The following NALF1 variants were observed in gnomAD, a reference collection of about 807,000 sequenced individuals.
NALF1 encodes family with sequence similarity 155 member A.
In NALF1, 3 loss-of-function variants were observed where a neutral mutation model predicts 48.4. That is an observed-to-expected ratio of 0.06 (90% CI 0.03 to 0.16). NALF1 has a LOEUF of 0.16. Among genes scored for constraint, NALF1 ranks in the 10% least tolerant of loss-of-function variants. The probability of loss-of-function intolerance (pLI) is 1.00; values close to 1 mark genes in which losing one functional copy is unlikely to be tolerated. For synonymous variants in NALF1, 262 were observed against 245.7 expected (o/e 1.07, Z -0.62); for missense variants, 526 against 571.5 (o/e 0.92, Z 0.81).
At chr13:107,252,378 GGAGA>G (rs898910234) in intron 1 of NALF1, among the ~76,000 whole-genome samples, 3 of 151,692 alleles carry the variant, frequency 2.0e-5, no homozygotes, top group African/African-American at 7.3e-5. Context: ...GAGAAAAAGA[GGAGA>G]GAGAGGGAGA....
chr13:107,267,424 A>T (rs1329146547), intron 1 of NALF1, among the ~76,000 whole-genome samples: 1 of 151,100 alleles, frequency 6.6e-6, no homozygotes, highest in African/African-American at 2.4e-5. Context: ...GCATGACCAT[A>T]AAAAAAAACA....
chr13:107,672,424 C>T (rs963587667), intron 1 of NALF1, among the ~76,000 whole-genome samples: 4 of 152,090 alleles, frequency 2.6e-5, no homozygotes, highest in East Asian at 1.9e-4. Context: ...AGGGGAGGTG[C>T]TCCCTGTAGA....
At chr13:107,580,708 T>C (rs1262420369) in intron 1 of NALF1, among the ~76,000 whole-genome samples, 1 of 152,228 alleles carries the variant, frequency 6.6e-6, no homozygotes, top group African/African-American at 2.4e-5. Context: ...TAATCATATA[T>C]TCTTTCAAGT....
rs2769916 is a variant in NALF1 at position 107,168,041 on chromosome 13, G to C, written c.*2456C>G. 2 of 152,242 alleles carry C rather than the reference G, an allele frequency of 1.3e-5. No individual in the cohort carries two copies. The highest frequency in any genetic ancestry group is 4.8e-5 in the African/African-American group (2 of 41,530). 9.4% of individuals were successfully genotyped at this position (152,242 alleles called of 1,614,324 possible). A position where few individuals can be genotyped will look rare whatever the true frequency, so the allele number is the denominator to read the frequency against. On this transcript the variant is annotated 3_prime_UTR_variant, in exon 3 of 3. Coordinates refer to ENST00000375915, the MANE Select transcript of NALF1 (RefSeq NM_001080396.3). The stretch of plus-strand genomic sequence containing the variant: ...AGTGAGTGGAATTTGCACTTGCATT[G>C]TCATTTTCCTGCAAGAATGGAAACG...
intron 2 of NALF1, among the ~76,000 whole-genome samples, chr13:107,179,273 A>C (rs568082939): frequency 1.3e-5 from 2 of 152,296 alleles, no homozygotes; most frequent in African/African-American, 2.4e-5. Flanking sequence ...AGAAAGAAAA[A>C]CTTTGTATGT....
chr13:107,558,085 G>T (rs1877533257), intron 1 of NALF1, among the ~76,000 whole-genome samples: 1 of 149,966 alleles, frequency 6.7e-6, no homozygotes, highest in South Asian at 2.2e-4. Flanking sequence ...CAGGTCACTG[G>T]CCTAATGATT....
chr13:107,205,547 A>T (rs1028776554), intron 2 of NALF1, among the ~76,000 whole-genome samples: 1 of 152,292 alleles, frequency 6.6e-6, no homozygotes, highest in South Asian at 2.1e-4. Flanking sequence ...CAAGTAAGGA[A>T]CAACAGCAGC....
intron 1 of NALF1, among the ~76,000 whole-genome samples, chr13:107,363,691 C>A (rs1258359894): frequency 6.6e-6 from 1 of 152,064 alleles, no homozygotes; most frequent in Non-Finnish European, 1.5e-5. Flanking sequence ...GTTTAAGAGC[C>A]ATAGTAAATA....
At chr13:107,852,756 A>C (rs1880349514) in intron 1 of NALF1, among the ~76,000 whole-genome samples, 1 of 152,236 alleles carries the variant, frequency 6.6e-6, no homozygotes, top group Non-Finnish European at 1.5e-5. Flanking sequence ...TTAAGTTTCC[A>C]CATTAAGTAC....
chr13:107,281,903 C>T (rs1881395049), intron 1 of NALF1, among the ~76,000 whole-genome samples: 1 of 152,154 alleles, frequency 6.6e-6, no homozygotes, highest in African/African-American at 2.4e-5. Flanking sequence ...ACGGGGCAGC[C>T]TGGGGGAAAC....
At chr13:107,786,033 TCA>T (rs1366923402) in intron 1 of NALF1, among the ~76,000 whole-genome samples, 1 of 151,986 alleles carries the variant, frequency 6.6e-6, no homozygotes, top group Non-Finnish European at 1.5e-5. Flanking sequence ...AGAAAGAAAG[TCA>T]CAGAGTCCCA....
intron 1 of NALF1, among the ~76,000 whole-genome samples, chr13:107,228,188 T>C (rs572411008): frequency 6.6e-6 from 1 of 152,316 alleles, no homozygotes; most frequent in African/African-American, 2.4e-5. Flanking sequence ...TGGAAAAATA[T>C]ACAATGAAAG....
intron 1 of NALF1, among the ~76,000 whole-genome samples, chr13:107,612,852 C>A (rs1879272296): frequency 1.3e-5 from 2 of 152,052 alleles, no homozygotes; most frequent in Non-Finnish European, 2.9e-5. Context: ...ATAAATCTCC[C>A]TTTCTCTCAT....
intron 1 of NALF1, among the ~76,000 whole-genome samples, chr13:107,224,040 A>G (rs1459717024): frequency 6.6e-6 from 1 of 152,202 alleles, no homozygotes. Context: ...ATTATTGATT[A>G]TCAGTTGATT....
chr13:107,456,577 C>T (rs1251539999), intron 1 of NALF1, among the ~76,000 whole-genome samples: 3 of 152,258 alleles, frequency 2.0e-5, no homozygotes, highest in East Asian at 3.9e-4. Flanking sequence ...AGAAAACTTT[C>T]CCACCCTTTG....
intron 1 of NALF1, among the ~76,000 whole-genome samples, chr13:107,830,763 G>A (rs991581139): frequency 6.6e-6 from 1 of 152,160 alleles, no homozygotes. Context: ...TCCAAAGGGA[G>A]GTCAAAGAAT....
At chr13:107,494,799 A>G (rs1875271328) in intron 1 of NALF1, among the ~76,000 whole-genome samples, 1 of 152,238 alleles carries the variant, frequency 6.6e-6, no homozygotes, top group Non-Finnish European at 1.5e-5. Context: ...ATTTTTAATG[A>G]CAGATAGAAG....
rs1489141316 is a variant in NALF1 at position 107,210,691 on chromosome 13, G to A, written c.980C>T (p.Thr327Ile). The A allele has an allele frequency of 1.9e-6, 3 of 1,611,182 alleles. No homozygotes were observed. Among genetic ancestry groups the A allele is most frequent in the Admixed American group, 1.7e-5 (1 of 59,998 alleles). The change falls in exon 2 of 3, where the codon ACA (threonine) becomes ATA (isoleucine). Residue 327 changes from threonine to isoleucine, a missense_variant. Transcript: ENST00000375915. ...FEVTQFNCRK[T>I]IPCKQYCLEV... ...CAAACAGTATTGCTTGCAAGGAATT[G>A]TCTTTCTGCAGTTAAACTGTGTGAC...
intron 1 of NALF1, among the ~76,000 whole-genome samples, chr13:107,706,702 T>C (rs1336606347): frequency 6.6e-6 from 1 of 152,210 alleles, no homozygotes; most frequent in Non-Finnish European, 1.5e-5. Context: ...AAGTAGGCTG[T>C]ACTAGAATGA....
Sources: gnomAD v4.1 joint callset for allele counts (sites outside exome capture counted in the v4.1 genomes callset) on GRCh38, gnomAD v4.1.1 for gene constraint, MANE v1.5 for transcripts, NCBI Gene and HGNC (gene_info 2026-07-23, HGNC 2026-07-21) for gene names.